The following NPR3 variants were observed in gnomAD, a reference collection of about 807,000 sequenced individuals.
NPR3 encodes atrial natriuretic peptide receptor 3.
NPR3 carries 34 observed loss-of-function variants against 54.5 expected under a neutral mutation model. The observed-to-expected ratio is 0.62, with a 90% CI of 0.47 to 0.83. NPR3 has a LOEUF of 0.83. Among genes scored for constraint, NPR3 ranks in the 40% least tolerant of loss-of-function variants. The pLI, the probability that NPR3 is intolerant of heterozygous loss-of-function variation, is 0.00. For synonymous variants in NPR3, 289 were observed against 297.1 expected, an observed-to-expected ratio of 0.97 and a Z score of 0.28; for missense variants, 674 against 720.8, an observed-to-expected ratio of 0.94 and a Z score of 0.74.
At chr5:32,698,881 T>C (rs2111813718) in intron 1 of NPR3, among the ~76,000 whole-genome samples, 1 of 152,352 alleles carries the variant, frequency 6.6e-6, no homozygotes, top group Non-Finnish European at 1.5e-5. Flanking sequence ...AGTGTGTTTC[T>C]TGTACACAAT....
At chr5:32,693,758 C>T (rs578154446) in intron 1 of NPR3, among the ~76,000 whole-genome samples, 1 of 152,302 alleles carries the variant, frequency 6.6e-6, no homozygotes, top group Non-Finnish European at 1.5e-5. Context: ...TCAAAGGTTT[C>T]TTGAGTTTAA....
intron 1 of NPR3, among the ~76,000 whole-genome samples, chr5:32,714,719 T>C (rs1738460506): frequency 6.6e-6 from 1 of 152,190 alleles, no homozygotes; most frequent in African/African-American, 2.4e-5. Context: ...CCGAAATTCC[T>C]TACACTCGAG....
chr5:32,715,954 G>A (rs1189667869), intron 1 of NPR3, among the ~76,000 whole-genome samples: 3 of 152,136 alleles, frequency 2.0e-5, no homozygotes, highest in Non-Finnish European at 4.4e-5. Context: ...AATTAGTCTG[G>A]GGTAAATGAC....
At chr5:32,730,471 C>G (rs986875184) in intron 2 of NPR3, among the ~76,000 whole-genome samples, 3 of 151,972 alleles carry the variant, frequency 2.0e-5, no homozygotes, top group African/African-American at 7.3e-5. Flanking sequence ...GGGGTTCTAG[C>G]CAGATAAACA....
chr5:32,695,565 G>C (rs1561065204), intron 1 of NPR3, among the ~76,000 whole-genome samples: 1 of 152,176 alleles, frequency 6.6e-6, no homozygotes, highest in Non-Finnish European at 1.5e-5. Context: ...ACCACGCCTG[G>C]CCCTCTATTT....
chr5:32,744,411 C>T (rs1311368614), intron 3 of NPR3, among the ~76,000 whole-genome samples: 1 of 152,120 alleles, frequency 6.6e-6, no homozygotes, highest in Non-Finnish European at 1.5e-5. Context: ...TCTTGGGCAC[C>T]TTTCTGAGAC....
At chr5:32,729,116 G>A (rs909674166) in intron 2 of NPR3, among the ~76,000 whole-genome samples, 5 of 133,150 alleles carry the variant, frequency 3.8e-5, no homozygotes, top group African/African-American at 1.4e-4. Flanking sequence ...TGCAAGCTCC[G>A]CCTCCCGGGT....
chr5:32,699,122 A>AT, intron 1 of NPR3, among the ~76,000 whole-genome samples: 1 of 151,822 alleles, frequency 6.6e-6, no homozygotes, highest in South Asian at 2.1e-4. Flanking sequence ...CTTGCTTTTT[A>AT]TTTTTTATGT....
At chr5:32,774,871 C>G in intron 4 of NPR3, 28 bp downstream of exon 4, 1 of 1,573,076 alleles carries the variant, frequency 6.4e-7, no homozygotes, top group Non-Finnish European at 8.7e-7. Context: ...AAGGCAATTA[C>G]ATGGGGCCAA....
chr5:32,710,593 G>T, upstream of NPR3: 1 of 1,395,418 alleles, frequency 7.2e-7, no homozygotes, highest in Non-Finnish European at 9.3e-7. Flanking sequence ...CAGGGGGAGG[G>T]GGCTGGCGCG....
At chr5:32,746,940 T>C (rs1329484451) in intron 3 of NPR3, among the ~76,000 whole-genome samples, 1 of 152,168 alleles carries the variant, frequency 6.6e-6, no homozygotes, top group Non-Finnish European at 1.5e-5. Context: ...TACACAACTT[T>C]CTAGATCGAA....
intron 2 of NPR3, among the ~76,000 whole-genome samples, 186 bp downstream of exon 2, chr5:32,725,006 A>G (rs1739064299): frequency 6.6e-6 from 1 of 152,232 alleles, no homozygotes; most frequent in Non-Finnish European, 1.5e-5. Context: ...CATGATCCAA[A>G]CAAATTAATG....
chr5:32,710,481 A>G (rs971854859), upstream of NPR3: 18 of 577,850 alleles, frequency 3.1e-5, no homozygotes, highest in Non-Finnish European at 4.5e-5. Flanking sequence ...TTTGGGAGCA[A>G]CAAGTTTCAC....
intron 3 of NPR3, among the ~76,000 whole-genome samples, chr5:32,772,956 C>G (rs1741849147): frequency 6.6e-6 from 1 of 152,150 alleles, no homozygotes; most frequent in South Asian, 2.1e-4. Flanking sequence ...CACGAAATAT[C>G]TGCTTCCGGG....
At chr5:32,732,886 C>G (rs1288153202) in intron 2 of NPR3, among the ~76,000 whole-genome samples, 3 of 151,490 alleles carry the variant, frequency 2.0e-5, no homozygotes, top group Non-Finnish European at 4.4e-5. Context: ...CTCTTGTCAC[C>G]CAGGCTGAAT....
At chr5:32,780,877 C>A in intron 5 of NPR3, 61 bp downstream of exon 5, 1 of 769,328 alleles carries the variant, frequency 1.3e-6, no homozygotes, top group Non-Finnish European at 2.3e-6. Context: ...CTGAGGAATG[C>A]ATTTGTTCTG....
intron 1 of NPR3, among the ~76,000 whole-genome samples, chr5:32,722,694 C>T (rs1054391931): frequency 5.9e-5 from 9 of 152,186 alleles, no homozygotes; most frequent in African/African-American, 2.2e-4. Flanking sequence ...CAAACTTGTC[C>T]AGCCTCAGTC....
chr5:32,756,217 C>G (rs937295989), intron 3 of NPR3, among the ~76,000 whole-genome samples: 1 of 152,206 alleles, frequency 6.6e-6, no homozygotes, highest in African/African-American at 2.4e-5. Flanking sequence ...ACAGTCCCAC[C>G]AACAGTGTAA....
At chr5:32,705,193 C>A (rs1737953795), upstream of NPR3, among the ~76,000 whole-genome samples, 2 of 152,096 alleles carry the variant, frequency 1.3e-5, no homozygotes, top group Admixed American at 1.3e-4. Context: ...CTTGTGGGGA[C>A]AATGCCTTAA....
Sources: allele counts gnomAD v4.1 joint callset (sites outside exome capture counted in the v4.1 genomes callset), GRCh38; gene constraint gnomAD v4.1.1; transcripts MANE v1.5; gene names NCBI Gene and HGNC (gene_info 2026-07-23, HGNC 2026-07-21).